The following DCDC2C variants were observed in gnomAD, a reference collection of about 807,000 sequenced individuals.
The protein encoded by DCDC2C is doublecortin domain containing 2C, also known as doublecortin domain-containing protein 2C.
Under a neutral mutation model 45.0 loss-of-function variants are expected in DCDC2C, and 44 were observed. The ratio of observed to expected loss-of-function variants is 0.98; its 90% confidence interval spans 0.77 to 1.26. The LOEUF (loss-of-function observed/expected upper bound fraction) is 1.26. Ranked by LOEUF, DCDC2C falls within the 50% of genes most tolerant of loss-of-function variation. DCDC2C has a pLI of 0.00. For synonymous variants in DCDC2C, 187 were observed against 178.8 expected, an observed-to-expected ratio of 1.05 and a Z score of -0.37; for missense variants, 447 against 468.9, an observed-to-expected ratio of 0.95 and a Z score of 0.43.
At chr2:3,796,830 C>A in intron 10 of DCDC2C, among the ~76,000 whole-genome samples, 1 of 150,938 alleles carries the variant, frequency 6.6e-6, no homozygotes. Context: ...CTAAAATTCT[C>A]TTTTTTGGTT....
chr2:3,821,003 A>G (rs138978683), intron 10 of DCDC2C, among the ~76,000 whole-genome samples: 16,699 of 152,154 alleles, frequency 0.11, 1,107 homozygotes, highest in East Asian at 0.3. Context: ...GTGAGCAACA[A>G]GGCTGTTTAT....
chr2:3,846,213 G>A (rs1247633015), intron 10 of DCDC2C, among the ~76,000 whole-genome samples: 1 of 144,824 alleles, frequency 6.9e-6, no homozygotes, highest in Non-Finnish European at 1.5e-5. Flanking sequence ...CCGTCCTCCT[G>A]TTCTTCCCTC....
intron 9 of DCDC2C, among the ~76,000 whole-genome samples, chr2:3,779,593 T>G (rs901792404): frequency 2.0e-5 from 3 of 152,238 alleles, no homozygotes; most frequent in Non-Finnish European, 4.4e-5. Flanking sequence ...GATCTTTATT[T>G]TTGTTTCAAG....
Position 3,847,535 on chromosome 2 carries a change from T to G in DCDC2C, c.*352T>G. ...GGAATGTGTACGGGAAGGTATCTCA[T>G]TTATATGTAACTTGGAGGTTGTCAC... is the stretch of plus-strand genomic sequence containing the variant. On this transcript the variant is annotated 3_prime_UTR_variant, in exon 11 of 11. Transcript: ENST00000399143. 1 of 175,098 alleles carries G rather than the reference T, an allele frequency of 5.7e-6. No individual in the cohort carries two copies. Among genetic ancestry groups the G allele is most frequent in the Non-Finnish European group, 1.2e-5 (1 of 83,344 alleles). 10.8% of individuals were successfully genotyped at this position (175,098 alleles called of 1,614,324 possible).
At chr2:3,737,046 T>A (rs968974630) in intron 3 of DCDC2C, among the ~76,000 whole-genome samples, 2 of 152,174 alleles carry the variant, frequency 1.3e-5, no homozygotes, top group African/African-American at 4.8e-5. Context: ...TCTGTTCCTT[T>A]GATCCCTAAT....
intron 8 of DCDC2C, 81 bp downstream of exon 8, chr2:3,769,492 C>A (rs956246326): frequency 4.5e-5 from 56 of 1,248,624 alleles, no homozygotes; most frequent in Non-Finnish European, 5.3e-5. Context: ...ATCCTTCACC[C>A]TCTCCCTGCA....
chr2:3,771,791 G>A (rs1336374667), intron 8 of DCDC2C, among the ~76,000 whole-genome samples: 5 of 152,224 alleles, frequency 3.3e-5, no homozygotes, highest in East Asian at 1.9e-4. Context: ...CCCACTCTGC[G>A]CCTGGCCCGT....
chr2:3,745,206 G>A (rs1572579533), intron 4 of DCDC2C, among the ~76,000 whole-genome samples: 1 of 152,062 alleles, frequency 6.6e-6, no homozygotes, highest in Non-Finnish European at 1.5e-5. Context: ...GGCTGCTCTT[G>A]AACTCCTGAC....
At chr2:3,722,836 C>T (rs1030937774) in intron 2 of DCDC2C, among the ~76,000 whole-genome samples, 1 of 152,112 alleles carries the variant, frequency 6.6e-6, no homozygotes, top group Non-Finnish European at 1.5e-5. Context: ...TAATTTTATG[C>T]AATGAAGCAG....
chr2:3,831,220 A>C (rs1442003265), intron 10 of DCDC2C, among the ~76,000 whole-genome samples: 1 of 152,198 alleles, frequency 6.6e-6, no homozygotes. Flanking sequence ...GGATGCATTA[A>C]AATTGCCAAG....
At chr2:3,782,645 A>AT (rs1670546710) in intron 9 of DCDC2C, among the ~76,000 whole-genome samples, 2 of 151,800 alleles carry the variant, frequency 1.3e-5, no homozygotes, top group African/African-American at 4.8e-5. Flanking sequence ...CACCTGGCCA[A>AT]TTTTTTGTGT....
At chr2:3,806,106 G>A (rs928497913) in intron 10 of DCDC2C, among the ~76,000 whole-genome samples, 9 of 152,032 alleles carry the variant, frequency 5.9e-5, no homozygotes, top group African/African-American at 1.7e-4. Flanking sequence ...AAAGTGCTGG[G>A]TTTACAAGTG....
intron 10 of DCDC2C, among the ~76,000 whole-genome samples, chr2:3,792,888 C>A (rs61387960): frequency 0.021 from 3,159 of 152,260 alleles, 99 homozygotes; most frequent in African/African-American, 0.072. Flanking sequence ...TGTTCAGGGG[C>A]CTTTTTTCTT....
intron 3 of DCDC2C, among the ~76,000 whole-genome samples, chr2:3,729,014 G>A (rs1668781530): frequency 6.6e-6 from 1 of 152,234 alleles, no homozygotes; most frequent in African/African-American, 2.4e-5. Context: ...CACTTCTCTT[G>A]CCCAGTGTTC....
At chr2:3,794,276 C>T (rs1050589736) in intron 10 of DCDC2C, among the ~76,000 whole-genome samples, 4 of 152,172 alleles carry the variant, frequency 2.6e-5, no homozygotes, top group Non-Finnish European at 5.9e-5. Context: ...TTTTCATCAA[C>T]ATCTTTAGAA....
chr2:3,762,162 C>CCTTTTTTT (rs1484617807), intron 6 of DCDC2C, among the ~76,000 whole-genome samples: 2 of 127,670 alleles, frequency 1.6e-5, no homozygotes, highest in Admixed American at 1.7e-4. Context: ...TTGCTTGAAC[C>CCTTTTTTT]TTTTTTTTTT....
chr2:3,703,864 G>T lies in DCDC2C; in HGVS notation c.113G>T (p.Arg38Leu). 1 of 1,290,280 alleles carries T rather than the reference G, an allele frequency of 7.8e-7. No homozygotes were observed. Among genetic ancestry groups the T allele is most frequent in the Non-Finnish European group, 9.9e-7 (1 of 1,014,378 alleles). The allele number at this position is 1,290,280 out of a possible 1,614,324, so 79.9% of individuals were successfully genotyped here. A position where few individuals can be genotyped will look rare whatever the true frequency, so the allele number is the denominator to read the frequency against. The change falls in exon 1 of 11, where the codon CGC becomes CTC. Residue 38 changes from arginine (R) to leucine (L), a missense_variant. Physicochemically the swap from Arg to Leu is moderately radical, Grantham distance 102. Transcript: ENST00000399143. The surrounding 1 kb of genome is among the most constrained non-coding windows in gnomAD (Gnocchi z 4.4). Reference protein sequence around the residue: ...YVGKKFVLSRRRAATFEALLE... With the variant: ...YVGKKFVLSRLRAATFEALLE... ...GGCAAGAAGTTCGTGCTGTCGCGGCGCCGCGCGGCCACCTTCGAGGCGCTG... is the reference window on the plus strand; with the variant it reads ...GGCAAGAAGTTCGTGCTGTCGCGGCTCCGCGCGGCCACCTTCGAGGCGCTG...
At chr2:3,845,788 C>T (rs1361379028) in intron 10 of DCDC2C, among the ~76,000 whole-genome samples, 1 of 152,198 alleles carries the variant, frequency 6.6e-6, no homozygotes, top group Non-Finnish European at 1.5e-5. Context: ...GTGATTTAGA[C>T]CAGCAAGCTG....
chr2:3,726,913 T>G, intron 2 of DCDC2C, 90 bp from the exon 3 acceptor site: 2 of 1,176,530 alleles, frequency 1.7e-6, no homozygotes, highest in Non-Finnish European at 1.2e-6. Flanking sequence ...CCCTTTCTTA[T>G]GTTTTAGGGC....
Sources: allele counts gnomAD v4.1 joint callset (sites outside exome capture counted in the v4.1 genomes callset), GRCh38; gene constraint gnomAD v4.1.1; non-coding constraint Gnocchi (gnomAD v3.1); transcripts MANE v1.5; gene names NCBI Gene and HGNC (gene_info 2026-07-23, HGNC 2026-07-21).